The following RYK variants were observed in gnomAD, a reference collection of about 807,000 sequenced individuals.
The protein encoded by RYK is inactive tyrosine-protein kinase RYK.
RYK carries 21 observed loss-of-function variants against 70.2 expected under a neutral mutation model. The observed-to-expected ratio is 0.30, with a 90% confidence interval of 0.21 to 0.43. The LOEUF (loss-of-function observed/expected upper bound fraction) is 0.43, where lower values mean the gene tolerates loss of function less well. Ranked by LOEUF, RYK falls within the 20% of genes least tolerant of loss-of-function variation. The pLI, the probability that RYK is intolerant of heterozygous loss-of-function variation, is 1.00. For missense variants in RYK, 604 were observed against 753.3 expected (o/e 0.80, Z 2.32); for synonymous variants, 267 against 278.0 (o/e 0.96, Z 0.39).
intron 1 of RYK, among the ~76,000 whole-genome samples, chr3:134,224,310 C>A (rs753292643): frequency 1.6e-4 from 25 of 152,212 alleles, no homozygotes; most frequent in Admixed American, 4.6e-4. Context: ...AGGGGGCCAG[C>A]CCTTCCCTAT....
At chr3:134,205,411 G>A (rs1222501265) in intron 5 of RYK, among the ~76,000 whole-genome samples, 1 of 152,192 alleles carries the variant, frequency 6.6e-6, no homozygotes, top group African/African-American at 2.4e-5. Context: ...AGGGCAGCTA[G>A]ACTTGGCTGT....
chr3:134,178,338 G>A (rs1444853788), intron 10 of RYK: 3 of 323,678 alleles, frequency 9.3e-6, no homozygotes, highest in African/African-American at 2.2e-5. Flanking sequence ...TGGATTCTCT[G>A]AAGGCACACT....
chr3:134,183,046 T>A lies in RYK; in HGVS notation c.1128A>T (p.Thr376=). ...GCTTACAACTTTCAGTGAGCATCAT[T>A]GTCACCTGAATTTCAGAAGCTTGAT... ...VKDQASEIQV[T]MMLTESCKLR... The change falls in exon 10 of 15, where the codon ACA becomes ACT. Residue 376 remains threonine (T), a synonymous_variant. Coordinates refer to ENST00000623711, the MANE Select transcript of RYK (RefSeq NM_002958.4). The A allele has an allele frequency of 6.3e-7, 1 of 1,590,014 alleles. No homozygotes were observed. The highest frequency in any genetic ancestry group is 1.7e-5 in the Admixed American group (1 of 57,878).
intron 11 of RYK, 51 bp downstream of exon 11, chr3:134,177,890 A>G: frequency 6.7e-7 from 1 of 1,501,050 alleles, no homozygotes; most frequent in Non-Finnish European, 9.2e-7. Context: ...TTTCAAAGAC[A>G]TTATCAGAAA....
intron 8 of RYK, among the ~76,000 whole-genome samples, chr3:134,190,596 T>G (rs905412076): frequency 5.3e-5 from 8 of 152,168 alleles, no homozygotes; most frequent in Non-Finnish European, 1.2e-4. Context: ...TTCTTTGCAT[T>G]TATCAGATTT....
rs775915422 is a variant in RYK at position 134,202,806 on chromosome 3, C to T, written c.712G>A (p.Ala238Thr). 7.1e-5 allele frequency: 115 copies of T among 1,613,226 alleles called. No homozygotes were observed. In the Admixed American group the frequency reaches 1.9e-3, roughly 27 times the overall value. Residue 238 changes from alanine (A) to threonine (T), a missense_variant, in exon 6 of 15, where the codon GCA (alanine) becomes ACA (threonine). Coordinates refer to ENST00000623711, the MANE Select transcript of RYK (RefSeq NM_002958.4). ...ATTATTGCTACGAGAAATATTACTG[C>T]ACAACAAACCCCTACACTAATATAA... The part of the protein sequence containing the change: ...VFYISVGVCC[A>T]VIFLVAIILA...
At chr3:134,247,619 T>C (rs980054427) in intron 1 of RYK, among the ~76,000 whole-genome samples, 3 of 152,028 alleles carry the variant, frequency 2.0e-5, no homozygotes, top group African/African-American at 7.2e-5. Flanking sequence ...GGAGAATCGC[T>C]TGAACCTTGG....
In RYK at chr3:134,217,376, G is replaced by A. The variant is rs190171006; in HGVS notation, c.354+5042C>T. Among the ~76,000 whole-genome samples the A allele has an allele frequency of 4.6e-5, 7 of 152,204 alleles. No individual in the cohort carries two copies. In the East Asian group the frequency reaches 9.6e-4, roughly 21 times the overall value. On this transcript the variant is annotated intron_variant, in intron 2 of 14. Coordinates refer to ENST00000623711, the MANE Select transcript of RYK (RefSeq NM_002958.4). ...TTCATCAAGCCTCCCCTGCCCTCAC[G>A]TGTGACTTTCCCATTTCAGGTCATC...
chr3:134,249,975 C>T (rs981731653), intron 1 of RYK, among the ~76,000 whole-genome samples: 2 of 132,566 alleles, frequency 1.5e-5, no homozygotes, highest in Admixed American at 1.8e-4. Flanking sequence ...GTGGCCTCTA[C>T]TGGAGCATCA....
intron 2 of RYK, among the ~76,000 whole-genome samples, chr3:134,217,235 AC>A (rs2014584288): frequency 1.3e-5 from 2 of 152,204 alleles, no homozygotes; most frequent in African/African-American, 4.8e-5. Flanking sequence ...CTTCTGGCAA[AC>A]CTTAAAAAGC....
Position 134,175,734 on chromosome 3 carries a change from T to C in RYK, c.1450A>G (p.Asn484Asp). The C allele has an allele frequency of 6.2e-7, 1 of 1,613,958 alleles. No homozygotes were observed. The highest frequency in any genetic ancestry group is 8.5e-7 in the Non-Finnish European group (1 of 1,179,854). The change falls in exon 13 of 15, where the codon AAT becomes GAT. Residue 484 changes from asparagine (N) to aspartate (D), a missense_variant. Asn to Asp is a conservative substitution (Grantham distance 23, BLOSUM62 1). Transcript: ENST00000623711. ...DDTLQVKITD[N>D]ALSRDLFPMD... The stretch of plus-strand genomic sequence containing the variant: ...GGGAACAAGTCTCTGGAGAGGGCAT[T>C]GTCTGTGATCTTAACTTGAAGTGTG...
At position 134,159,331 on chromosome 3, in the gene RYK, G is replaced by A; in HGVS notation, c.1618C>T (p.Gln540Ter). 6.2e-7 allele frequency: 1 copy of A among 1,613,786 alleles called. No individual in the cohort carries two copies. The highest frequency in any genetic ancestry group is 8.5e-7 in the Non-Finnish European group (1 of 1,179,794). ...GGGTCAATGTCCACGTAGGGAGTCTGGCCCAGAGTCATGAGTTCCCACAGC... is the reference window on the plus strand; with the variant it reads ...GGGTCAATGTCCACGTAGGGAGTCTAGCCCAGAGTCATGAGTTCCCACAGC... ...VTLWELMTLG[Q>*]TPYVDIDPFE... Residue 540 changes from glutamine to a stop codon, truncating the protein, a stop_gained, in exon 14 of 15, where the codon CAG becomes TAG. Transcript: ENST00000623711. LOFTEE classifies it high-confidence loss of function.
rs540834136 is a variant in RYK, at chr3:134,181,711, T to G, written c.1172+1291A>C. ...TAAACATATGTGATCAAATTTTCAG[T>G]AGACATACAAATTATGTTGACTCTA... On this transcript the variant is annotated intron_variant, in intron 10 of 14. Transcript: ENST00000623711. 7.2e-5 allele frequency: 11 copies of G among 152,296 alleles called. No individual in the cohort carries two copies. The South Asian group carries it at 1.7e-3, about 23-fold the overall frequency. The allele number at this position is 152,296 out of a possible 1,614,324, so 9.4% of individuals were successfully genotyped here. A position where few individuals can be genotyped will look rare whatever the true frequency, so the allele number is the denominator to read the frequency against.
In RYK at chr3:134,242,774, T is replaced by C. The variant is rs148061440; in HGVS notation, c.232+7649A>G. Among the ~76,000 whole-genome samples, 563 of 152,318 alleles carry C rather than the reference T, an allele frequency of 3.7e-3. 1 individual carries two copies. The highest frequency in any genetic ancestry group is 6.3e-3 in the Non-Finnish European group (428 of 68,020). On this transcript the variant is annotated intron_variant, in intron 1 of 14. Transcript: ENST00000623711. Reference sequence around the variant, plus strand: ...AGCATTTTAGGCAGCACCTTTGGAATTGACCAGTCAACTCAGGATGTGACT... The same window carrying C: ...AGCATTTTAGGCAGCACCTTTGGAACTGACCAGTCAACTCAGGATGTGACT...
chr3:134,160,687 CT>C (rs1185542230), intron 13 of RYK, among the ~76,000 whole-genome samples: 1 of 152,166 alleles, frequency 6.6e-6, no homozygotes, highest in Non-Finnish European at 1.5e-5. Flanking sequence ...GAAACCCCAT[CT>C]CTACTAAAAA....
chr3:134,212,175 ACTT>A (rs63387462), intron 2 of RYK, among the ~76,000 whole-genome samples: 16,584 of 152,156 alleles, frequency 0.11, 1,779 homozygotes, highest in South Asian at 0.32. Flanking sequence ...CTCTGGATCT[ACTT>A]CTTAAGTGAT....
chr3:134,192,235 C>T (rs1004797021), intron 7 of RYK, among the ~76,000 whole-genome samples: 1 of 152,148 alleles, frequency 6.6e-6, no homozygotes, highest in African/African-American at 2.4e-5. Flanking sequence ...AATAGTATTA[C>T]CATGACCACC....
At chr3:134,234,670 A>G (rs1016182004) in intron 1 of RYK, among the ~76,000 whole-genome samples, 11 of 152,136 alleles carry the variant, frequency 7.2e-5, no homozygotes, top group Admixed American at 5.9e-4. Flanking sequence ...GGCCTCAGGA[A>G]ACACCGCAAT....
rs2015596995 is a variant in RYK at position 134,250,689 on chromosome 3, C to T, written c.-35G>A. On this transcript the variant is annotated 5_prime_UTR_variant, in exon 1 of 15. Coordinates refer to ENST00000623711, the MANE Select transcript of RYK (RefSeq NM_002958.4). ...CGCCGCCGCCGAAGAGGAGCGTCGG[C>T]CGCCCGCCGCACCGCCGCCCACCCC... The T allele has an allele frequency of 1.0e-6, 1 of 963,190 alleles. No homozygotes were observed. The highest frequency in any genetic ancestry group is 1.2e-6 in the Non-Finnish European group (1 of 811,844). 59.7% of individuals were successfully genotyped at this position (963,190 alleles called of 1,614,324 possible). A position where few individuals can be genotyped will look rare whatever the true frequency, so the allele number is the denominator to read the frequency against.
Sources: allele counts gnomAD v4.1 joint callset (sites outside exome capture counted in the v4.1 genomes callset), GRCh38; gene constraint gnomAD v4.1.1; transcripts MANE v1.5; gene names NCBI Gene and HGNC (gene_info 2026-07-23, HGNC 2026-07-21).